Variants in FBXO17 observed in about 807,000 individuals in gnomAD.
The protein encoded by FBXO17 is F-box protein 17.
A neutral mutation model predicts 34.1 loss-of-function variants in FBXO17; 43 were observed. That is an observed-to-expected ratio of 1.26 (90% CI 0.99 to 1.62). The LOEUF (loss-of-function observed/expected upper bound fraction) is 1.62. FBXO17 is among the 40% of genes most tolerant of loss of function. FBXO17 has a pLI of 0.00. For missense variants in FBXO17, 424 were observed against 386.7 expected (o/e 1.10, Z -0.81); for synonymous variants, 169 against 166.0 (o/e 1.02, Z -0.14).
chr19:38,944,256 C>CATTATTATTATT (rs55839664), intron 5 of FBXO17, among the ~76,000 whole-genome samples: 10,952 of 146,462 alleles, frequency 0.075, 484 homozygotes, highest in South Asian at 0.092. Flanking sequence ...TGATCTGACT[C>CATTATTATTATT]ATTATTATTA....
At chr19:38,958,762 C>G (rs1417047095) in intron 1 of FBXO17, among the ~76,000 whole-genome samples, 1 of 152,202 alleles carries the variant, frequency 6.6e-6, no homozygotes, top group African/African-American at 2.4e-5. Flanking sequence ...CATTTCCTAT[C>G]TGACACGCTT....
chr19:38,960,601 C>T (rs552761004), intron 1 of FBXO17, among the ~76,000 whole-genome samples: 30 of 152,198 alleles, frequency 2.0e-4, no homozygotes, highest in African/African-American at 6.7e-4. Flanking sequence ...CTCCGCCTCC[C>T]AGATTCAAGG....
intron 1 of FBXO17, among the ~76,000 whole-genome samples, chr19:38,952,317 G>A (rs1389358261): frequency 6.6e-6 from 1 of 152,180 alleles, no homozygotes; most frequent in Non-Finnish European, 1.5e-5. Flanking sequence ...AACCCACTGC[G>A]GAAGAAACCA....
intron 1 of FBXO17, among the ~76,000 whole-genome samples, chr19:38,963,785 T>A (rs11880780): frequency 0.6 from 90,768 of 151,160 alleles, 27,821 homozygotes; most frequent in East Asian, 0.88. Context: ...ATATGTTTTC[T>A]TTGCTTTTTT....
intron 1 of FBXO17, chr19:38,952,638 G>A: frequency 1.9e-6 from 1 of 534,014 alleles, no homozygotes; most frequent in South Asian, 1.4e-5. Flanking sequence ...TTTAGCTCTG[G>A]GCTCACGGCC....
At chr19:38,962,746 T>C (rs1975270055) in intron 1 of FBXO17, among the ~76,000 whole-genome samples, 1 of 151,716 alleles carries the variant, frequency 6.6e-6, no homozygotes, top group Non-Finnish European at 1.5e-5. Context: ...AGATGGAGTC[T>C]CTCTCTGTCA....
chr19:38,956,307 T>C (rs926036631), intron 1 of FBXO17, among the ~76,000 whole-genome samples: 1 of 151,826 alleles, frequency 6.6e-6, no homozygotes, highest in Non-Finnish European at 1.5e-5. Context: ...TTTTGCTACA[T>C]TCATGGACTA....
intron 1 of FBXO17, among the ~76,000 whole-genome samples, chr19:38,974,092 T>A (rs1975430172): frequency 7.3e-6 from 1 of 136,794 alleles, no homozygotes; most frequent in Non-Finnish European, 1.6e-5. Context: ...ATAGTTTTTT[T>A]TTTTTTGAGA....
chr19:38,946,576 G>A lies in FBXO17; in HGVS notation c.462-9C>T, dbSNP rs1974987283. ...GCCTCTTGGAGCACCATCTGGGAAG[G>A]AGAGATGGCAGGGGGCAGGGCAAAC... On this transcript the variant is annotated splice_polypyrimidine_tract_variant and intron_variant, in intron 3 of 5. Transcript: ENST00000292852. 6.2e-7 allele frequency: 1 copy of A among 1,613,526 alleles called. No homozygotes were observed. The highest frequency in any genetic ancestry group is 1.7e-5 in the Admixed American group (1 of 59,950).
chr19:38,972,415 C>G (rs141795919), intron 1 of FBXO17, among the ~76,000 whole-genome samples: 1 of 151,714 alleles, frequency 6.6e-6, no homozygotes, highest in Non-Finnish European at 1.5e-5. Flanking sequence ...TGTGGTGGCA[C>G]GCACCTGTAA....
intron 1 of FBXO17, among the ~76,000 whole-genome samples, chr19:38,957,648 C>T (rs1313880188): frequency 6.6e-6 from 1 of 151,998 alleles, no homozygotes; most frequent in Non-Finnish European, 1.5e-5. Flanking sequence ...CCGGCAGTTC[C>T]TGTTCTTCTT....
intron 1 of FBXO17, chr19:38,952,549 C>G (rs1236694809): frequency 1.9e-6 from 1 of 534,574 alleles, no homozygotes; most frequent in South Asian, 1.4e-5. Flanking sequence ...CCCCAAAACC[C>G]CCAGCGATGA....
chr19:38,953,448 A>G (rs755778994), intron 1 of FBXO17, among the ~76,000 whole-genome samples: 4 of 152,076 alleles, frequency 2.6e-5, no homozygotes, highest in Non-Finnish European at 4.4e-5. Context: ...AGATCACTTG[A>G]GGTCAGTAGT....
rs182325006 is a variant in FBXO17 at position 38,950,026 on chromosome 19, G to T, written c.294C>A (p.Arg98=). The T allele has an allele frequency of 2.3e-3, 3,649 of 1,563,360 alleles. 69 individuals carry two copies. In the African/African-American group the frequency reaches 0.043, roughly 18 times the overall value. ...GGCCGAAGGGCGCGCGCAGACAGTAGCGCGCCAGGGCGCACAGCGGGAACT... is the reference window on the plus strand; with the variant it reads ...GGCCGAAGGGCGCGCGCAGACAGTATCGCGCCAGGGCGCACAGCGGGAACT... ...KEEFPLCALA[R]YCLRAPFGRN... The change falls in exon 2 of 6, where the codon CGC becomes CGA. Residue 98 remains arginine (R), a synonymous_variant. Coordinates refer to ENST00000292852, the MANE Select transcript of FBXO17 (RefSeq NM_024907.7).
intron 3 of FBXO17, 62 bp downstream of exon 3, chr19:38,948,505 T>C (rs753056915): frequency 8.4e-6 from 11 of 1,304,322 alleles, no homozygotes; most frequent in Non-Finnish European, 1.2e-5. Flanking sequence ...GTGTGGGGGG[T>C]AGGGTCCCTT....
intron 1 of FBXO17, chr19:38,952,935 A>G (rs959177327): frequency 2.3e-6 from 1 of 432,912 alleles, no homozygotes; most frequent in Non-Finnish European, 4.7e-6. Context: ...TGTCCCTTTC[A>G]TATTTTACTC....
chr19:38,971,941 T>C (rs1352420986), intron 1 of FBXO17, among the ~76,000 whole-genome samples: 1 of 152,206 alleles, frequency 6.6e-6, no homozygotes, highest in East Asian at 1.9e-4. Flanking sequence ...GCTCTAGGCA[T>C]GTGGGAATTG....
chr19:38,951,051 A>G (rs2144818625), intron 1 of FBXO17, among the ~76,000 whole-genome samples: 1 of 152,200 alleles, frequency 6.6e-6, no homozygotes, highest in South Asian at 2.1e-4. Flanking sequence ...CGGCCTCTCA[A>G]AGTGCTGGGA....
intron 1 of FBXO17, among the ~76,000 whole-genome samples, chr19:38,970,074 AATAAG>A (rs1317762427): frequency 9.2e-5 from 14 of 152,162 alleles, no homozygotes; most frequent in African/African-American, 3.4e-4. Context: ...ATAAGTCATT[AATAAG>A]ATAAGATGGA....
Sources: allele counts gnomAD v4.1 joint callset (sites outside exome capture counted in the v4.1 genomes callset), GRCh38; gene constraint gnomAD v4.1.1; transcripts MANE v1.5; gene names NCBI Gene and HGNC (gene_info 2026-07-23, HGNC 2026-07-21).